ABCA2: variants seen among roughly 807,000 people sequenced by gnomAD.
ABCA2 encodes ATP-binding cassette sub-family A member 2.
ABCA2 carries 84 observed loss-of-function variants against 262.8 expected under a neutral mutation model. The observed-to-expected ratio is 0.32, with a 90% CI of 0.27 to 0.38. ABCA2 has a LOEUF of 0.38. ABCA2 is among the 10% of genes least tolerant of loss of function. The pLI is 1.00. For missense variants in ABCA2, 2,662 were observed against 3,405.9 expected (o/e 0.78, Z 5.44); for synonymous variants, 1,696 against 1,502.9 (o/e 1.13, Z -2.97).
Position 137,018,048 on chromosome 9 carries a change from G to C in ABCA2, c.2021C>G (p.Thr674Ser). 1.2e-6 allele frequency: 2 copies of C among 1,612,690 alleles called. No homozygotes were observed. The highest frequency in any genetic ancestry group is 1.1e-5 in the South Asian group (1 of 91,082). Residue 674 changes from threonine (T) to serine (S), a missense_variant, in exon 15 of 49, where the codon ACT (threonine) becomes AGT (serine). Coordinates refer to ENST00000341511, the MANE Select transcript of ABCA2 (RefSeq NM_001606.5). ...QDMMERAIID[T>S]FVGHDVVEPG... ...CTCCACCACATCGTGCCCCACAAAA[G>C]TGTCGATGATGGCGCGCTCCATCAT...
chr9:137,015,193 GAGGAAGAACCAGGCCCCAGC>G lies in ABCA2; in HGVS notation c.3698-116_3698-97del, dbSNP rs1831212491. ...ACTGGGTCAAGATATGGGCATTGGA[GAGGAAGAACCAGGCCCCAGC>G]AGGTATCCTGGGCCCAGGGGGTGAC... On this transcript the variant is annotated intron_variant, in intron 24 of 48. Transcript: ENST00000341511. 4 of 1,386,878 alleles carry G rather than the reference GAGGAAGAACCAGGCCCCAGC, an allele frequency of 2.9e-6. No individual in the cohort carries two copies. The African/African-American group carries it at 5.8e-5, about 20-fold the overall frequency. 85.9% of individuals were successfully genotyped at this position (1,386,878 alleles called of 1,614,324 possible). A position where few individuals can be genotyped will look rare whatever the true frequency, so the allele number is the denominator to read the frequency against.
rs935538350 is a variant in ABCA2 at position 137,011,805 on chromosome 9, G to A, written c.5535+39C>T. The stretch of plus-strand genomic sequence containing the variant: ...CCGGGGCAGGGCGGGGATGGGGGAT[G>A]AGAAGGGCCGGGGCACCCCATGGCC... On this transcript the variant is annotated intron_variant, in intron 35 of 48. Coordinates refer to ENST00000341511, the MANE Select transcript of ABCA2 (RefSeq NM_001606.5). The surrounding 1 kb of genome is among the most constrained non-coding windows in gnomAD (Gnocchi z 8.8). 1.3e-6 allele frequency: 2 copies of A among 1,553,542 alleles called. No individual in the cohort carries two copies. Among genetic ancestry groups the A allele is most frequent in the Middle Eastern group, 1.7e-4 (1 of 5,994 alleles).
intron 33 of ABCA2, 21 bp downstream of exon 33, chr9:137,012,244 G>A (rs745644619): frequency 1.7e-4 from 50 of 292,940 alleles, no homozygotes; most frequent in East Asian, 2.8e-4. Context: ...GCCCCGCCCC[G>A]CCCTGCCTAT....
In ABCA2 at chr9:137,020,584, G is replaced by C. The variant is rs1831416527; in HGVS notation, c.1266-89C>G. The C allele has an allele frequency of 7.8e-6, 12 of 1,545,844 alleles. No individual in the cohort carries two copies. In the South Asian group the frequency reaches 1.4e-4, roughly 19 times the overall value. Reference sequence around the variant, plus strand: ...GCATCGGGATGGGGCAGGACTTCGGGGCACAGGGCAGGGCGCCAAATGAGA... The same window carrying C: ...GCATCGGGATGGGGCAGGACTTCGGCGCACAGGGCAGGGCGCCAAATGAGA... On this transcript the variant is annotated intron_variant, in intron 9 of 48. Coordinates refer to ENST00000341511, the MANE Select transcript of ABCA2 (RefSeq NM_001606.5).
chr9:137,018,218 G>A lies in ABCA2; in HGVS notation c.1953C>T (p.Gly651=), dbSNP rs200143545. The change falls in exon 14 of 49, where the codon GGC becomes GGT. Residue 651 remains glycine (G), a synonymous_variant. Transcript: ENST00000341511. ...RAYWRPGPNT[G]GRFYFLYGFV... is the part of the protein sequence containing the mutation. ...AGCCGTAGAGGAAGTAGAAGCGGCC[G>A]CCAGTATTGGGCCCAGGCCGCCAGT... 1.7e-4 allele frequency: 280 copies of A among 1,611,314 alleles called. 2 individuals are homozygous for A. In the African/African-American group the frequency reaches 3.3e-3, roughly 19 times the overall value.
intron 39 of ABCA2, 86 bp downstream of exon 39, chr9:137,010,887 G>GGC: frequency 1.6e-5 from 8 of 497,008 alleles, no homozygotes; most frequent in Non-Finnish European, 2.2e-5. Context: ...CCCCATCCCT[G>GGC]CCCCCACCCC....
rs974905862 is a variant in ABCA2, at chr9:137,013,880, A to C, written c.4399T>G (p.Phe1467Val). 5 of 1,612,206 alleles carry C rather than the reference A, an allele frequency of 3.1e-6. No individual in the cohort carries two copies. The highest frequency in any genetic ancestry group is 2.7e-5 in the African/African-American group (2 of 74,924). Residue 1467 changes from phenylalanine to valine, a missense_variant, in exon 28 of 49, where the codon TTC becomes GTC. This residue lies in a region of ABCA2 where 75 missense variants were observed against 118.3 expected (regional missense o/e 0.63). Coordinates refer to ENST00000341511, the MANE Select transcript of ABCA2 (RefSeq NM_001606.5). ...ACGGTCATGGCCACGCAGACGAAGA[A>C]GGCTGGCAGCAAGATCTGGGAGAAG... is the stretch of plus-strand genomic sequence containing the variant. ...ALFSQILLPA[F>V]FVCVAMTVAL...
rs1831453012 is a variant in ABCA2 at position 137,021,530 on chromosome 9, C to T, written c.759G>A (p.Val253=). The T allele has an allele frequency of 1.2e-6, 2 of 1,601,144 alleles. No homozygotes were observed. Among genetic ancestry groups the T allele is most frequent in the African/African-American group, 1.3e-5 (1 of 74,620 alleles). ...GCAGGGCTCCCTTCTGACTCTCAGG[C>T]ACAGTGAGGATCCGGCCCAGCTCCC... ...GSGELGRILT[V]PESQKGALQG... is the part of the protein sequence containing the mutation. Residue 253 remains valine, a synonymous_variant, in exon 8 of 49, where the codon GTG becomes GTA. Coordinates refer to ENST00000341511, the MANE Select transcript of ABCA2 (RefSeq NM_001606.5). This position sits in a 1 kb window ranked among gnomAD's most constrained non-coding sequence, Gnocchi z 6.0.
Position 137,019,444 on chromosome 9 carries a change from T to G in ABCA2, c.1426-138A>C. The G allele has an allele frequency of 1.1e-6, 1 of 940,980 alleles. No individual in the cohort carries two copies. Among genetic ancestry groups the G allele is most frequent in the Middle Eastern group, 3.4e-4 (1 of 2,908 alleles). The allele number at this position is 940,980 out of a possible 1,614,324, so 58.3% of individuals were successfully genotyped here. A position where few individuals can be genotyped will look rare whatever the true frequency, so the allele number is the denominator to read the frequency against. On this transcript the variant is annotated intron_variant, in intron 10 of 48. Transcript: ENST00000341511. The surrounding 1 kb of genome is among the most constrained non-coding windows in gnomAD (Gnocchi z 4.4). ...CCCACCTTTTTTTTTTTTTTTTTCC[T>G]GAGACAGGGTCTCAGTCACCCACGC...
intron 13 of ABCA2, 40 bp from the exon 14 acceptor site, chr9:137,018,391 C>T (rs769839837): frequency 3.2e-5 from 9 of 278,044 alleles, no homozygotes; most frequent in Middle Eastern, 6.4e-4. Context: ...GATGCAGGGG[C>T]GGGACCAAGG....
Position 137,011,497 on chromosome 9 carries a change from G to A in ABCA2, c.5709C>T (p.Ser1903=), listed in dbSNP as rs561080522. The A allele has an allele frequency of 1.4e-5, 23 of 1,602,976 alleles. No individual in the cohort carries two copies. Among genetic ancestry groups the A allele is most frequent in the South Asian group, 4.5e-5 (4 of 89,584 alleles). Residue 1903 remains serine, a synonymous_variant, in exon 37 of 49, where the codon TCC becomes TCT. Coordinates refer to ENST00000341511, the MANE Select transcript of ABCA2 (RefSeq NM_001606.5). This position sits in a 1 kb window ranked among gnomAD's most constrained non-coding sequence, Gnocchi z 8.8. Reference sequence around the variant, plus strand: ...TGATGACAATGAGGAACACGTAGGCGGAGCTGGGGACCTCGAACCAGAAGG... The same window carrying A: ...TGATGACAATGAGGAACACGTAGGCAGAGCTGGGGACCTCGAACCAGAAGG... ...PASFWFEVPS[S]AYVFLIVINL... is the part of the protein sequence containing the mutation.
chr9:137,026,266 T>C (rs1045531825), intron 1 of ABCA2, among the ~76,000 whole-genome samples: 1 of 152,114 alleles, frequency 6.6e-6, no homozygotes, highest in African/African-American at 2.4e-5. Flanking sequence ...GCACCCACCC[T>C]CCAGACCCTG....
At chr9:137,020,538 A>C (rs1170689207) in intron 9 of ABCA2, 43 bp from the exon 10 acceptor site, 2 of 1,550,864 alleles carry the variant, frequency 1.3e-6, no homozygotes, top group African/African-American at 1.4e-5. Context: ...GTTAGGGGGC[A>C]GGGCCGCGAG....
chr9:137,020,891 G>A lies in ABCA2; in HGVS notation c.1068C>T (p.Thr356=). ...LLPQGACTGR[T]PGPPASGAGG... The stretch of plus-strand genomic sequence containing the variant: ...CCGCACCACTGGCTGGGGGTCCGGG[G>A]GTCCGGCCAGTGCAGGCACCCTGGG... The change falls in exon 9 of 49, where the codon ACC becomes ACT. Residue 356 remains threonine (T), a synonymous_variant. Coordinates refer to ENST00000341511, the MANE Select transcript of ABCA2 (RefSeq NM_001606.5). 6.4e-7 allele frequency: 1 copy of A among 1,553,220 alleles called. No homozygotes were observed. Among genetic ancestry groups the A allele is most frequent in the South Asian group, 1.2e-5 (1 of 84,662 alleles).
At position 137,014,336 on chromosome 9, in the gene ABCA2, C is replaced by T; in HGVS notation, c.4072G>A (p.Gly1358Ser). The part of the protein sequence containing the change: ...EGPASGEGHA[G>S]NLARCSELTQ... ...AGCTCCGAGCACCGGGCCAGATTGC[C>T]AGCGTGACCCTCCCCAGACGCCGGG... The change falls in exon 27 of 49, where the codon GGC becomes AGC. Residue 1358 changes from glycine to serine, a missense_variant. Transcript: ENST00000341511. 1 of 1,607,558 alleles carries T rather than the reference C, an allele frequency of 6.2e-7. No individual in the cohort carries two copies. Among genetic ancestry groups the T allele is most frequent in the East Asian group, 2.2e-5 (1 of 44,620 alleles).
At chr9:137,008,219 T>C in intron 48 of ABCA2, 197 bp downstream of exon 48, 6 of 820,708 alleles carry the variant, frequency 7.3e-6, no homozygotes, top group Non-Finnish European at 1.2e-5. Flanking sequence ...CCTCAAAGAC[T>C]CTAGCAAGTC....
Position 137,016,481 on chromosome 9 carries a change from G to A in ABCA2, c.2924-10C>T, listed in dbSNP as rs1831263337. The A allele has an allele frequency of 6.2e-7, 1 of 1,612,604 alleles. No homozygotes were observed. The highest frequency in any genetic ancestry group is 1.1e-5 in the South Asian group (1 of 91,090). On this transcript the variant is annotated splice_polypyrimidine_tract_variant and intron_variant, in intron 20 of 48. Transcript: ENST00000341511. ...ATGCCACGGGTCTCCTCTGCACCAG[G>A]GCTGTGGATCAGCAGGGTGGGGGCG...
chr9:137,028,852 G>A (rs1831760241), upstream of ABCA2: 1 of 1,324,218 alleles, frequency 7.6e-7, no homozygotes, highest in Admixed American at 2.2e-5. This position sits in a 1 kb window ranked among gnomAD's most constrained non-coding sequence, Gnocchi z 6.9. Context: ...CCTGCTGCAC[G>A]CGGCTCGTTT....
Position 137,008,831 on chromosome 9 carries a change from G to A in ABCA2, c.6968C>T (p.Ser2323Leu), listed in dbSNP as rs1306538085. 6.2e-7 allele frequency: 1 copy of A among 1,605,360 alleles called. No individual in the cohort carries two copies. Among genetic ancestry groups the A allele is most frequent in the Non-Finnish European group, 8.5e-7 (1 of 1,179,626 alleles). The change falls in exon 47 of 49, where the codon TCG becomes TTG. Residue 2323 changes from serine to leucine, a missense_variant. By Grantham distance (145) the Ser-to-Leu change is moderately radical (BLOSUM62 -2). This residue lies in a region of ABCA2 where 212 missense variants were observed against 214.4 expected (regional missense o/e 0.99). Transcript: ENST00000341511. Reference sequence around the variant, plus strand: ...CACCTGGGCCAGCGAGATGTGCTCCGACTTGAGCTGGTACTGCACCTTTGT... The same window carrying A: ...CACCTGGGCCAGCGAGATGTGCTCCAACTTGAGCTGGTACTGCACCTTTGT... ...HHTKVQYQLK[S>L]EHISLAQVFS...
Sources: allele counts gnomAD v4.1 joint callset (sites outside exome capture counted in the v4.1 genomes callset), GRCh38; gene constraint gnomAD v4.1.1; regional missense constraint gnomAD v4.1.1; non-coding constraint Gnocchi (gnomAD v3.1); transcripts MANE v1.5; gene names NCBI Gene and HGNC (gene_info 2026-07-23, HGNC 2026-07-21).